The following DYSF variants were observed in gnomAD, a reference collection of about 807,000 sequenced individuals.
The protein encoded by DYSF is dysferlin.
DYSF carries 212 observed loss-of-function variants against 274.9 expected under a neutral mutation model. The observed-to-expected ratio is 0.77, with a 90% CI of 0.69 to 0.86. The LOEUF is 0.86. DYSF is among the 40% of genes least tolerant of loss of function. DYSF has a pLI of 0.00. For missense variants in DYSF, 2,666 were observed against 2,783.2 expected (o/e 0.96, Z 0.95); for synonymous variants, 1,091 against 1,078.7 (o/e 1.01, Z -0.22).
intron 3 of DYSF, among the ~76,000 whole-genome samples, chr2:71,495,068 C>G (rs189279025): frequency 6.6e-6 from 1 of 152,276 alleles, no homozygotes; most frequent in East Asian, 1.9e-4. Context: ...CAAGTTCTAT[C>G]TAGGTTCCAG....
chr2:71,469,348 C>T (rs1372663069), intron 1 of DYSF, among the ~76,000 whole-genome samples: 1 of 152,192 alleles, frequency 6.6e-6, no homozygotes, highest in African/African-American at 2.4e-5. Flanking sequence ...AAGACCACTG[C>T]CAACCTCCCT....
At chr2:71,464,812 A>G (rs4353676), upstream of DYSF, among the ~76,000 whole-genome samples, 5,120 of 152,298 alleles carry the variant, frequency 0.034, 157 homozygotes, top group African/African-American at 0.081. Context: ...CAGGAGACGC[A>G]TTGGGAGTCC....
chr2:71,569,830 G>A lies in DYSF; in HGVS notation c.2875G>A (p.Asp959Asn). The A allele has an allele frequency of 6.2e-7, 1 of 1,613,878 alleles. No individual in the cohort carries two copies. Reference sequence around the variant, plus strand: ...AGCCCTCCTCCACAGTCTGCTCCATGACATGGACGCCGGTCACCTGAGCTT... The same window carrying A: ...AGCCCTCCTCCACAGTCTGCTCCATAACATGGACGCCGGTCACCTGAGCTT... ...FVCPEKTLLH[D>N]MDAGHLSFVE... The change falls in exon 27 of 56, where the codon GAC (aspartate) becomes AAC (asparagine). Residue 959 changes from aspartate to asparagine, a missense_variant. Asp to Asn is a conservative substitution (Grantham distance 23). Around this residue, in one of 3 missense-constraint regions of DYSF, gnomAD observed 412 missense variants for 504.0 expected, o/e 0.82. Transcript: ENST00000410020.
At chr2:71,491,021 A>G (rs966241208) in intron 3 of DYSF, among the ~76,000 whole-genome samples, 1 of 152,176 alleles carries the variant, frequency 6.6e-6, no homozygotes, top group African/African-American at 2.4e-5. Flanking sequence ...TTTTTTGTAG[A>G]TTCTGCCAAA....
At chr2:71,618,663 TGTGTGTGTGGTAGA>T (rs1558641982) in intron 40 of DYSF, among the ~76,000 whole-genome samples, 1 of 88,604 alleles carries the variant, frequency 1.1e-5, no homozygotes. Flanking sequence ...GCAGAGGAGG[TGTGTGTGTGGTAGA>T]GGGATGTGAG....
Position 71,612,671 on chromosome 2 carries a change from C to G in DYSF, c.4252C>G (p.Pro1418Ala), listed in dbSNP as rs151268930. The change falls in exon 39 of 56, where the codon CCC becomes GCC. Residue 1418 changes from proline (P) to alanine (A), a missense_variant. Pro to Ala is a conservative substitution (Grantham distance 27, BLOSUM62 -1). This residue lies in a region of DYSF where 1,460 missense variants were observed against 1,502.1 expected (regional missense o/e 0.97). Coordinates refer to ENST00000410020, the MANE Select transcript of DYSF (RefSeq NM_001130987.2). The stretch of plus-strand genomic sequence containing the variant: ...GCCCAGGGAGGAGCTCTACTGCCCC[C>G]CCATCACCGTCAAGGTCATCGATAA... Reference protein sequence around the residue: ...MLPREELYCPPITVKVIDNRQ... With the variant: ...MLPREELYCPAITVKVIDNRQ... 99 of 1,614,052 alleles carry G rather than the reference C, an allele frequency of 6.1e-5. No homozygotes were observed. The highest frequency in any genetic ancestry group is 3.3e-5 in the Admixed American group (2 of 60,000).
intron 14 of DYSF, among the ~76,000 whole-genome samples, chr2:71,532,751 A>G (rs6726510): frequency 0.8 from 121,950 of 152,142 alleles, 50,334 homozygotes; most frequent in African/African-American, 0.89. Flanking sequence ...GAGTTGGCAG[A>G]GCTGCTCAGC....
intron 1 of DYSF, 33 bp downstream of exon 1, chr2:71,466,966 G>T: frequency 6.5e-7 from 1 of 1,544,736 alleles, no homozygotes; most frequent in South Asian, 1.2e-5. Context: ...GCCCATGCTC[G>T]GGTGCTACCC....
At chr2:71,508,101 T>G (rs1417925865) in intron 4 of DYSF, among the ~76,000 whole-genome samples, 1 of 152,198 alleles carries the variant, frequency 6.6e-6, no homozygotes, top group African/African-American at 2.4e-5. Flanking sequence ...CCTAAGGAGA[T>G]TCCTGTGGCT....
intron 19 of DYSF, 66 bp downstream of exon 19, chr2:71,551,786 T>C: frequency 7.3e-7 from 1 of 1,367,650 alleles, no homozygotes; most frequent in Non-Finnish European, 1.0e-6. Flanking sequence ...AGGCTGGGAC[T>C]GGCCTTGAGG....
intron 51 of DYSF, among the ~76,000 whole-genome samples, chr2:71,673,676 C>G (rs959463706): frequency 3.3e-5 from 5 of 152,152 alleles, no homozygotes; most frequent in African/African-American, 4.8e-5. Flanking sequence ...GAGCAGGACT[C>G]TGGAACCCAG....
At chr2:71,665,796 T>C (rs2094990974) in intron 47 of DYSF, among the ~76,000 whole-genome samples, 1 of 152,120 alleles carries the variant, frequency 6.6e-6, no homozygotes, top group South Asian at 2.1e-4. Context: ...AGGCAGGCCT[T>C]GTAGTGCCCC....
intron 23 of DYSF, among the ~76,000 whole-genome samples, chr2:71,562,172 C>G (rs1352758542): frequency 6.6e-6 from 1 of 152,210 alleles, no homozygotes; most frequent in East Asian, 1.9e-4. Context: ...CAGAGCCTGG[C>G]ACACAATAGG....
chr2:71,666,726 C>T (rs944570869), intron 47 of DYSF, among the ~76,000 whole-genome samples: 30 of 152,214 alleles, frequency 2.0e-4, no homozygotes, highest in Admixed American at 5.9e-4. Context: ...TGCCTAGTCA[C>T]GCACCTTTCC....
At chr2:71,656,385 C>T in intron 43 of DYSF, 95 bp downstream of exon 43, 10 of 1,569,936 alleles carry the variant, frequency 6.4e-6, no homozygotes, top group Non-Finnish European at 7.8e-6. Context: ...CACTGGTGAC[C>T]CTGGTGCTGA....
At chr2:71,516,315 T>C (rs571238536) in intron 9 of DYSF, 73 bp downstream of exon 9, 1 of 1,440,410 alleles carries the variant, frequency 6.9e-7, no homozygotes, top group South Asian at 1.1e-5. Context: ...CACGCGTGTG[T>C]GTTTGTGCAC....
At chr2:71,483,731 T>C (rs1025111913) in intron 3 of DYSF, among the ~76,000 whole-genome samples, 4 of 152,142 alleles carry the variant, frequency 2.6e-5, no homozygotes, top group African/African-American at 9.7e-5. Context: ...CCGTTACAGA[T>C]GGGGAAACTG....
At chr2:71,625,938 T>C (rs890555642) in intron 41 of DYSF, among the ~76,000 whole-genome samples, 6 of 152,204 alleles carry the variant, frequency 3.9e-5, no homozygotes, top group Middle Eastern at 3.4e-3. Context: ...AGGTACATTT[T>C]CTGACTGGTT....
At position 71,592,812 on chromosome 2, in the gene DYSF, G is replaced by A. The variant is rs2093306754; in HGVS notation, c.3574+2524G>A. 2.0e-5 allele frequency among the ~76,000 whole-genome samples: 3 copies of A among 152,194 alleles called. No homozygotes were observed. In the South Asian group the frequency reaches 6.2e-4, roughly 32 times the overall value. On this transcript the variant is annotated intron_variant, in intron 32 of 55. Coordinates refer to ENST00000410020, the MANE Select transcript of DYSF (RefSeq NM_001130987.2). The stretch of plus-strand genomic sequence containing the variant: ...TGCTTCTCTCTATATGGTGGGTCTC[G>A]GGGCTGCCCGGACATTGGGGCCATG...
Sources: gnomAD v4.1 joint callset for allele counts (sites outside exome capture counted in the v4.1 genomes callset) on GRCh38, gnomAD v4.1.1 for gene constraint, gnomAD v4.1.1 regional missense constraint, MANE v1.5 for transcripts, NCBI Gene and HGNC (gene_info 2026-07-23, HGNC 2026-07-21) for gene names.